CEP170: variants seen among roughly 807,000 people sequenced by gnomAD.
CEP170 encodes centrosomal protein 170.
In CEP170, 21 loss-of-function variants were observed where a neutral mutation model predicts 151.9. That is an observed-to-expected ratio of 0.14 (90% CI 0.10 to 0.20). The LOEUF is 0.20. CEP170 is among the 10% of genes least tolerant of loss of function. The pLI is 1.00. For synonymous variants in CEP170, 356 were observed against 648.8 expected (o/e 0.55, Z 6.86); for missense variants, 964 against 1,892.9 (o/e 0.51, Z 9.11).
Position 243,159,763 on chromosome 1 carries a change from T to TGTGTGTGTGTGTGTGTGTG in CEP170, c.3677-3309_3677-3308insCACACACACACACACACAC, listed in dbSNP as rs2057892319. Among the ~76,000 whole-genome samples, 27 of 127,162 alleles carry TGTGTGTGTGTGTGTGTGTG rather than the reference T, an allele frequency of 2.1e-4. 2 individuals are homozygous for TGTGTGTGTGTGTGTGTGTG. The East Asian group carries it at 4.7e-3, about 22-fold the overall frequency. The allele number at this position is 127,162 out of a possible 152,430, so 83.4% of individuals were successfully genotyped here. A position where few individuals can be genotyped will look rare whatever the true frequency, so the allele number is the denominator to read the frequency against. On this transcript the variant is annotated intron_variant, in intron 13 of 19. Transcript: ENST00000366542. ...ACATTCTACATTTTTGTTTCCGGTT[T>TGTGTGTGTGTGTGTGTGTG]TGTGTGTGTGTGTGTGTGTGTGTGT...
intron 14 of CEP170, among the ~76,000 whole-genome samples, chr1:243,142,668 G>T (rs1156959755): frequency 6.6e-6 from 1 of 152,106 alleles, no homozygotes; most frequent in South Asian, 2.1e-4. Context: ...TAACCTACAA[G>T]ATATCACCTT....
chr1:243,154,634 A>G (rs886547394), intron 14 of CEP170, among the ~76,000 whole-genome samples: 9 of 152,264 alleles, frequency 5.9e-5, no homozygotes, highest in African/African-American at 2.2e-4. Flanking sequence ...TAAGGCATGA[A>G]CATCACTGTA....
intron 3 of CEP170, 61 bp downstream of exon 3, chr1:243,221,663 T>A: frequency 6.8e-7 from 1 of 1,463,430 alleles, no homozygotes; most frequent in Non-Finnish European, 9.2e-7. Flanking sequence ...GTAATCTGAT[T>A]TTTATTCTTA....
At chr1:243,218,334 T>C (rs2062493185) in intron 3 of CEP170, among the ~76,000 whole-genome samples, 1 of 151,988 alleles carries the variant, frequency 6.6e-6, no homozygotes, top group Admixed American at 6.6e-5. Context: ...ACAGGAGGGG[T>C]AGGGCAGAGG....
At chr1:243,130,654 T>C (rs1436972919) in intron 17 of CEP170, among the ~76,000 whole-genome samples, 1 of 152,044 alleles carries the variant, frequency 6.6e-6, no homozygotes, top group Non-Finnish European at 1.5e-5. Context: ...GTATTACTAC[T>C]GCAAGCTGAT....
intron 12 of CEP170, among the ~76,000 whole-genome samples, chr1:243,167,606 A>C (rs2058531617): frequency 6.6e-6 from 1 of 151,800 alleles, no homozygotes; most frequent in African/African-American, 2.4e-5. Context: ...TCTTTTAGGG[A>C]TAAATGGAGA....
chr1:243,218,136 G>C (rs920056891), intron 3 of CEP170, among the ~76,000 whole-genome samples: 2 of 152,210 alleles, frequency 1.3e-5, no homozygotes, highest in Non-Finnish European at 2.9e-5. Flanking sequence ...CAATCTCTCT[G>C]CCAGCTACAA....
chr1:243,137,635 C>T (rs113942760), intron 16 of CEP170, among the ~76,000 whole-genome samples: 2 of 151,948 alleles, frequency 1.3e-5, no homozygotes, highest in South Asian at 2.1e-4. Context: ...ATTAGCGGGG[C>T]GTGCTGGTGC....
intron 3 of CEP170, among the ~76,000 whole-genome samples, chr1:243,215,220 T>C (rs530571012): frequency 1.3e-5 from 2 of 152,260 alleles, no homozygotes; most frequent in South Asian, 2.1e-4. Flanking sequence ...GACCCTGTGA[T>C]GATTGTGTTA....
In CEP170 at chr1:243,185,715, T is replaced by A. The variant is rs1405159466; in HGVS notation, c.1566+64A>T. 4 of 1,501,416 alleles carry A rather than the reference T, an allele frequency of 2.7e-6. No homozygotes were observed. In the African/African-American group the frequency reaches 4.2e-5, roughly 16 times the overall value. The allele number at this position is 1,501,416 out of a possible 1,614,324, so 93.0% of individuals were successfully genotyped here. On this transcript the variant is annotated intron_variant, in intron 10 of 19. Transcript: ENST00000366542. The surrounding 1 kb of genome is among the most constrained non-coding windows in gnomAD (Gnocchi z 4.9). Reference sequence around the variant, plus strand: ...ACAACATCTCATGCTGACTCTCCAATAATTTCCACCAGTCAAATACACCAC... The same window carrying A: ...ACAACATCTCATGCTGACTCTCCAAAAATTTCCACCAGTCAAATACACCAC...
chr1:243,145,695 C>T (rs2056399376), intron 14 of CEP170, among the ~76,000 whole-genome samples: 1 of 152,100 alleles, frequency 6.6e-6, no homozygotes, highest in South Asian at 2.1e-4. Flanking sequence ...TGGAAAAAAG[C>T]AACTGGTGGG....
intron 10 of CEP170, among the ~76,000 whole-genome samples, chr1:243,182,772 G>A (rs570254651): frequency 6.6e-6 from 1 of 152,254 alleles, no homozygotes; most frequent in South Asian, 2.1e-4. Flanking sequence ...GATTAATTAC[G>A]TATGTTTCAC....
chr1:243,156,069 G>A (rs949227261), intron 14 of CEP170, among the ~76,000 whole-genome samples, 152 bp downstream of exon 14: 1 of 152,016 alleles, frequency 6.6e-6, no homozygotes, highest in African/African-American at 2.4e-5. Context: ...GCTGGATAGA[G>A]AGTAATACTA....
At chr1:243,133,727 C>A (rs138768081) in intron 17 of CEP170, among the ~76,000 whole-genome samples, 2 of 152,030 alleles carry the variant, frequency 1.3e-5, no homozygotes, top group South Asian at 4.1e-4. Context: ...ATGGGTTGTA[C>A]GGTGAAGGGG....
chr1:243,238,217 A>C (rs1380621603), intron 1 of CEP170, among the ~76,000 whole-genome samples: 1 of 152,194 alleles, frequency 6.6e-6, no homozygotes, highest in East Asian at 1.9e-4. Context: ...TGGGAGGCCG[A>C]GGTGGGACGA....
intron 6 of CEP170, among the ~76,000 whole-genome samples, chr1:243,199,955 A>C (rs570983168): frequency 1.3e-4 from 20 of 152,110 alleles, no homozygotes; most frequent in African/African-American, 4.6e-4. Context: ...GGTAAACTAC[A>C]CAGTTAACCC....
At chr1:243,166,152 A>C (rs758503493) in intron 12 of CEP170, 36 bp from the exon 13 acceptor site, 27 of 1,599,316 alleles carry the variant, frequency 1.7e-5, no homozygotes, top group Non-Finnish European at 2.3e-5. Flanking sequence ...GAATTGATTA[A>C]GACAAATAAA....
intron 4 of CEP170, among the ~76,000 whole-genome samples, chr1:243,210,608 A>ATTTTTTTTTTTTTTTTTTTTTTTTTT (rs751388751): frequency 2.9e-5 from 2 of 67,940 alleles, no homozygotes; most frequent in Non-Finnish European, 5.1e-5. Flanking sequence ...ATTTTTCGTA[A>ATTTTTTTTTTTTTTTTTTTTTTTTTT]TTTTTTTTTT....
intron 4 of CEP170, among the ~76,000 whole-genome samples, chr1:243,204,041 A>G (rs2061244338): frequency 6.6e-6 from 1 of 152,090 alleles, no homozygotes; most frequent in African/African-American, 2.4e-5. Flanking sequence ...ACTGATTTAA[A>G]CTTCTCTATC....
Sources: allele counts gnomAD v4.1 joint callset (sites outside exome capture counted in the v4.1 genomes callset), GRCh38; gene constraint gnomAD v4.1.1; non-coding constraint Gnocchi (gnomAD v3.1); transcripts MANE v1.5; gene names NCBI Gene and HGNC (gene_info 2026-07-23, HGNC 2026-07-21).